SPATS2L: variants seen among roughly 807,000 people sequenced by gnomAD.
SPATS2L encodes spermatogenesis associated serine rich 2 like, also known as SPATS2-like protein.
A neutral mutation model predicts 59.6 loss-of-function variants in SPATS2L; 30 were observed. The ratio of observed to expected loss-of-function variants is 0.50; its 90% CI spans 0.38 to 0.68. SPATS2L has a LOEUF of 0.68. SPATS2L is among the 30% of genes least tolerant of loss of function. The pLI, the probability that SPATS2L is intolerant of heterozygous loss-of-function variation, is 0.00. For missense variants in SPATS2L, 615 were observed against 700.0 expected (o/e 0.88, Z 1.37); for synonymous variants, 252 against 263.5 (o/e 0.96, Z 0.42).
chr2:200,418,765 A>G (rs960331924), intron 5 of SPATS2L, among the ~76,000 whole-genome samples: 1 of 152,008 alleles, frequency 6.6e-6, no homozygotes, highest in African/African-American at 2.4e-5. Flanking sequence ...ATTTTACAAG[A>G]AGAAGTTGCC....
chr2:200,466,110 T>C (rs377077204), intron 9 of SPATS2L, among the ~76,000 whole-genome samples: 1 of 152,224 alleles, frequency 6.6e-6, no homozygotes, highest in East Asian at 1.9e-4. Flanking sequence ...TCTTGATGGA[T>C]TCTGTACTTC....
chr2:200,354,140 C>G (rs2080830541), intron 2 of SPATS2L, among the ~76,000 whole-genome samples: 1 of 152,146 alleles, frequency 6.6e-6, no homozygotes, highest in South Asian at 2.1e-4. Flanking sequence ...TGTCATTTAT[C>G]CCAAAGAGGG....
At chr2:200,413,342 T>C (rs2082950291) in intron 4 of SPATS2L, among the ~76,000 whole-genome samples, 1 of 152,234 alleles carries the variant, frequency 6.6e-6, no homozygotes, top group African/African-American at 2.4e-5. Flanking sequence ...TTTTGTTGTT[T>C]AGGTAGTCCA....
At position 200,467,321 on chromosome 2, in the gene SPATS2L, A is replaced by C. The variant is rs1257871184; in HGVS notation, c.879A>C (p.Ala293=). The change falls in exon 10 of 13, where the codon GCA becomes GCC. Residue 293 remains alanine, a synonymous_variant. Transcript: ENST00000409140. ...MEILTARQKK[A]EELKRLTDLA... is the part of the protein sequence containing the mutation. ...TCCTGACTGCTCGTCAGAAGAAAGC[A>C]GAAGAACTAAAGAGACTCACTGACC... 6.2e-7 allele frequency: 1 copy of C among 1,614,048 alleles called. No individual in the cohort carries two copies. The highest frequency in any genetic ancestry group is 8.5e-7 in the Non-Finnish European group (1 of 1,179,868).
chr2:200,326,727 G>A (rs1444764438), intron 1 of SPATS2L, among the ~76,000 whole-genome samples: 1 of 151,748 alleles, frequency 6.6e-6, no homozygotes, highest in Admixed American at 6.6e-5. Flanking sequence ...TGATATGTTT[G>A]AGCATTCTTT....
chr2:200,388,128 A>G (rs1286078960), intron 2 of SPATS2L, among the ~76,000 whole-genome samples: 1 of 152,238 alleles, frequency 6.6e-6, no homozygotes, highest in Non-Finnish European at 1.5e-5. Flanking sequence ...ATACATATGT[A>G]TCAATCTGGA....
chr2:200,329,748 G>A (rs373769414), intron 2 of SPATS2L, among the ~76,000 whole-genome samples: 1 of 150,774 alleles, frequency 6.6e-6, no homozygotes, highest in Admixed American at 6.6e-5. Context: ...GATCTTTAGA[G>A]TAGTTTCATG....
At chr2:200,321,037 A>C (rs552967583) in intron 1 of SPATS2L, among the ~76,000 whole-genome samples, 36 of 152,232 alleles carry the variant, frequency 2.4e-4, no homozygotes, top group African/African-American at 8.7e-4. Flanking sequence ...ATACTCTTTG[A>C]ATTTGGAAGC....
intron 1 of SPATS2L, among the ~76,000 whole-genome samples, chr2:200,322,920 A>C (rs2079612233): frequency 6.6e-6 from 1 of 152,240 alleles, no homozygotes; most frequent in African/African-American, 2.4e-5. Flanking sequence ...TTGGTTTTTG[A>C]GATCTCGAAT....
At chr2:200,369,195 G>A (rs1281317147) in intron 2 of SPATS2L, among the ~76,000 whole-genome samples, 2 of 151,770 alleles carry the variant, frequency 1.3e-5, no homozygotes, top group East Asian at 1.9e-4. Flanking sequence ...GACTCGCTTT[G>A]TCACCCAGGC....
At chr2:200,310,734 A>G (rs910446852) in intron 1 of SPATS2L, among the ~76,000 whole-genome samples, 3 of 152,198 alleles carry the variant, frequency 2.0e-5, no homozygotes, top group Non-Finnish European at 2.9e-5. Flanking sequence ...TCTTTCCAAC[A>G]TGAACCTTCT....
At chr2:200,407,245 A>G (rs2082718260) in intron 3 of SPATS2L, among the ~76,000 whole-genome samples, 2 of 152,332 alleles carry the variant, frequency 1.3e-5, no homozygotes, top group African/African-American at 4.8e-5. Context: ...CCAAGTTTCA[A>G]AAATTTAAGT....
chr2:200,380,238 G>A (rs1025858499), intron 2 of SPATS2L, among the ~76,000 whole-genome samples: 1 of 152,188 alleles, frequency 6.6e-6, no homozygotes, highest in Non-Finnish European at 1.5e-5. Flanking sequence ...CTGTGAGGAG[G>A]TGGTTTGGCA....
At position 200,440,689 on chromosome 2, in the gene SPATS2L, C is replaced by G; in HGVS notation, c.693C>G (p.Cys231Trp). Residue 231 changes from cysteine to tryptophan, a missense_variant, in exon 8 of 13, where the codon TGC becomes TGG. Physicochemically the swap from Cys to Trp is radical, Grantham distance 215. Transcript: ENST00000409140. ...IEKSVKDLQR[C>W]TVSLTRYRVM... ...AATCAGTGAAGGATTTGCAACGCTG[C>G]ACCGTTTCTCTAACTAGATATCGCG... 6.2e-7 allele frequency: 1 copy of G among 1,613,624 alleles called. No homozygotes were observed. The highest frequency in any genetic ancestry group is 8.5e-7 in the Non-Finnish European group (1 of 1,179,642).
At chr2:200,382,154 G>A (rs955971336) in intron 2 of SPATS2L, among the ~76,000 whole-genome samples, 2 of 152,018 alleles carry the variant, frequency 1.3e-5, no homozygotes, top group African/African-American at 4.8e-5. Flanking sequence ...CCCACCTACC[G>A]GGTTCAAGCA....
chr2:200,479,836 G>A lies in SPATS2L; in HGVS notation c.*1805G>A. The A allele has an allele frequency of 2.5e-6, 1 of 398,272 alleles. No individual in the cohort carries two copies. Among genetic ancestry groups the A allele is most frequent in the Non-Finnish European group, 4.4e-6 (1 of 226,054 alleles). The allele number at this position is 398,272 out of a possible 1,614,324, so 24.7% of individuals were successfully genotyped here. A position where few individuals can be genotyped will look rare whatever the true frequency, so the allele number is the denominator to read the frequency against. On this transcript the variant is annotated 3_prime_UTR_variant, in exon 13 of 13. Coordinates refer to ENST00000409140, the MANE Select transcript of SPATS2L (RefSeq NM_001100423.2). ...CTTCTTTTGCCAAGTACAGGAGGAT[G>A]TTTGCTCTCTCTGTAGAGAGCTTTC... is the stretch of plus-strand genomic sequence containing the variant.
At chr2:200,321,070 A>T (rs916741732) in intron 1 of SPATS2L, among the ~76,000 whole-genome samples, 4 of 152,208 alleles carry the variant, frequency 2.6e-5, no homozygotes, top group African/African-American at 9.7e-5. Context: ...TAAAAAATTA[A>T]AAGTCAGCTC....
At chr2:200,347,705 A>T (rs1313035536) in intron 2 of SPATS2L, among the ~76,000 whole-genome samples, 1 of 152,180 alleles carries the variant, frequency 6.6e-6, no homozygotes, top group African/African-American at 2.4e-5. Flanking sequence ...TGGATACTGA[A>T]TGATCATACT....
chr2:200,318,772 G>A (rs1369040058), intron 1 of SPATS2L, among the ~76,000 whole-genome samples: 2 of 152,174 alleles, frequency 1.3e-5, no homozygotes, highest in African/African-American at 4.8e-5. Flanking sequence ...GCAGACAATG[G>A]AAACGGAAAA....
Sources: gnomAD v4.1 joint callset for allele counts (sites outside exome capture counted in the v4.1 genomes callset) on GRCh38, gnomAD v4.1.1 for gene constraint, MANE v1.5 for transcripts, NCBI Gene and HGNC (gene_info 2026-07-23, HGNC 2026-07-21) for gene names.